Variants in DOCK7 observed in about 807,000 individuals in gnomAD.
The protein encoded by DOCK7 is dedicator of cytokinesis protein 7.
Under a neutral mutation model 271.0 loss-of-function variants are expected in DOCK7, and 138 were observed. That is an observed-to-expected ratio of 0.51 (90% CI 0.44 to 0.59). The LOEUF (loss-of-function observed/expected upper bound fraction) is 0.59. DOCK7 is among the 20% of genes least tolerant of loss of function. The pLI, the probability that DOCK7 is intolerant of heterozygous loss-of-function variation, is 0.00. For missense variants in DOCK7, 2,066 were observed against 2,592.4 expected (o/e 0.80, Z 4.41); for synonymous variants, 823 against 876.1 (o/e 0.94, Z 1.07).
intron 14 of DOCK7, among the ~76,000 whole-genome samples, chr1:62,588,834 G>A (rs1347264120): frequency 6.6e-6 from 1 of 152,050 alleles, no homozygotes; most frequent in Non-Finnish European, 1.5e-5. Flanking sequence ...TTGAACTCCT[G>A]GCCTAAAATG....
chr1:62,535,740 A>T (rs1479041731), intron 28 of DOCK7, 108 bp from the exon 29 acceptor site: 2 of 1,115,714 alleles, frequency 1.8e-6, no homozygotes, highest in Middle Eastern at 4.4e-4. Context: ...AGTTTATTTT[A>T]TATTACTAAC....
chr1:62,467,144 T>C (rs1168000), intron 48 of DOCK7, among the ~76,000 whole-genome samples: 151,564 of 152,294 alleles, frequency 1, 75,424 homozygotes, highest in Middle Eastern at 1. Flanking sequence ...GAAAATGTCA[T>C]CACTGTTTAC....
chr1:62,664,533 C>T (rs2149720980), intron 1 of DOCK7, among the ~76,000 whole-genome samples: 1 of 152,192 alleles, frequency 6.6e-6, no homozygotes, highest in South Asian at 2.1e-4. Flanking sequence ...ATTACCCAGT[C>T]TTGGATATAT....
At chr1:62,464,082 C>T (rs979820413) in intron 48 of DOCK7, among the ~76,000 whole-genome samples, 6 of 151,686 alleles carry the variant, frequency 4.0e-5, no homozygotes, top group Admixed American at 6.6e-5. Flanking sequence ...TTTTTTGAGC[C>T]GGAGTCTCGC....
Position 62,620,438 on chromosome 1 carries a change from TATG to T in DOCK7, c.1426-448_1426-446del, listed in dbSNP as rs1653036605. Among the ~76,000 whole-genome samples the T allele has an allele frequency of 3.9e-5, 6 of 152,144 alleles. No individual in the cohort carries two copies. In the South Asian group the frequency reaches 1.0e-3, roughly 26 times the overall value. On this transcript the variant is annotated intron_variant, in intron 12 of 49. Coordinates refer to ENST00000635253, the MANE Select transcript of DOCK7 (RefSeq NM_001367561.1). ...TTAGAATAAAAAATTAAATTAAAAT[TATG>T]ATTATAAATATCATACCAGTTTATT...
At chr1:62,669,582 T>G (rs1399254549) in intron 1 of DOCK7, among the ~76,000 whole-genome samples, 1 of 152,242 alleles carries the variant, frequency 6.6e-6, no homozygotes. Flanking sequence ...TCTAGTGGCA[T>G]TTTTCTATCT....
intron 31 of DOCK7, among the ~76,000 whole-genome samples, chr1:62,520,015 T>C (rs1051000602): frequency 2.6e-5 from 4 of 152,204 alleles, no homozygotes; most frequent in Non-Finnish European, 4.4e-5. Flanking sequence ...GGATTCCCTA[T>C]TTAATAAATG....
chr1:62,629,500 T>A (rs980411954), intron 11 of DOCK7: 26 of 152,232 alleles, frequency 1.7e-4, no homozygotes, highest in African/African-American at 6.0e-4. Context: ...ATTATACAAG[T>A]CAATATGTAT....
intron 2 of DOCK7, 139 bp downstream of exon 2, chr1:62,662,886 A>G (rs1658831999): frequency 7.1e-6 from 4 of 564,316 alleles, no homozygotes; most frequent in Non-Finnish European, 1.2e-5. Context: ...CTCCCAACTC[A>G]GATTTCAACA....
intron 49 of DOCK7, 74 bp from the exon 50 acceptor site, chr1:62,455,530 G>A: frequency 7.1e-7 from 1 of 1,410,146 alleles, no homozygotes; most frequent in Non-Finnish European, 9.9e-7. Flanking sequence ...GTCTTACATG[G>A]TTTTTTCTGC....
chr1:62,458,539 T>G (rs1645418169), intron 48 of DOCK7: 1 of 150,912 alleles, frequency 6.6e-6, no homozygotes, highest in Non-Finnish European at 1.5e-5. Flanking sequence ...GGTTTTGTTT[T>G]TTTTTTTTTT....
intron 16 of DOCK7, 24 bp from the exon 17 acceptor site, chr1:62,578,990 T>A (rs1414691304): frequency 1.5e-6 from 2 of 1,290,376 alleles, no homozygotes; most frequent in African/African-American, 1.5e-5. Flanking sequence ...AAAAAAAAAA[T>A]CAACAGTCAG....
At chr1:62,649,035 T>A (rs1252162698) in intron 4 of DOCK7, among the ~76,000 whole-genome samples, 1 of 151,410 alleles carries the variant, frequency 6.6e-6, no homozygotes, top group African/African-American at 2.4e-5. Flanking sequence ...ACTTGTAAAA[T>A]GAAAAACAGC....
Position 62,578,737 on chromosome 1 carries a change from A to AAAC in DOCK7, c.2010+88_2010+90dup, listed in dbSNP as rs1553175645. 21 of 1,050,468 alleles carry AAAC rather than the reference A, an allele frequency of 2.0e-5. No homozygotes were observed. In the African/African-American group the frequency reaches 3.4e-4, roughly 17 times the overall value. 65.1% of individuals were successfully genotyped at this position (1,050,468 alleles called of 1,614,324 possible). A position where few individuals can be genotyped will look rare whatever the true frequency, so the allele number is the denominator to read the frequency against. ...TGTCTCAAAAAAAAAAAAAAAAAAA[A>AAAC]AACCCACAAATGACCAGAAATATCA... On this transcript the variant is annotated intron_variant, in intron 17 of 49. Transcript: ENST00000635253.
intron 25 of DOCK7, among the ~76,000 whole-genome samples, chr1:62,541,509 G>A (rs1645530099): frequency 6.6e-6 from 1 of 152,142 alleles, no homozygotes; most frequent in African/African-American, 2.4e-5. Flanking sequence ...TCAATGTGAA[G>A]ACAATGAGGA....
intron 18 of DOCK7, among the ~76,000 whole-genome samples, chr1:62,568,638 A>T (rs1339137022): frequency 2.0e-5 from 3 of 149,300 alleles, no homozygotes; most frequent in Non-Finnish European, 3.0e-5. Flanking sequence ...AGCTAGGAAG[A>T]TCTCAAAGTG....
In DOCK7 at chr1:62,625,392, C is replaced by T. The variant is rs201785444; in HGVS notation, c.1292G>A (p.Gly431Glu). ...EVEISTGERK[G>E]SWSERRNSSI... ...AGAATTCCTCCTCTCTGACCAAGAC[C>T]CTTTTCGTTCTACAAAAGAATTAAA... is the stretch of plus-strand genomic sequence containing the variant. Residue 431 changes from glycine to glutamate, a missense_variant, in exon 12 of 50, where the codon GGG (glycine) becomes GAG (glutamate). Transcript: ENST00000635253. The T allele has an allele frequency of 1.3e-6, 2 of 1,589,646 alleles. No homozygotes were observed. Among genetic ancestry groups the T allele is most frequent in the Non-Finnish European group, 1.7e-6 (2 of 1,170,810 alleles).
At position 62,543,675 on chromosome 1, in the gene DOCK7, C is replaced by T. The variant is rs955858137; in HGVS notation, c.2930G>A (p.Gly977Glu). ...ATCTACCTTTTTAGTTGGTAAGCGT[C>T]CCGTTAATGTTTGTAAGAAACTTGA... ...ETSSFLQTLT[G>E]RLPTKKLFHE... Residue 977 changes from glycine to glutamate, a missense_variant, in exon 24 of 50, where the codon GGA becomes GAA. Transcript: ENST00000635253. 5.6e-6 allele frequency: 9 copies of T among 1,601,586 alleles called. No individual in the cohort carries two copies. Among genetic ancestry groups the T allele is most frequent in the Non-Finnish European group, 7.7e-6 (9 of 1,170,986 alleles).
intron 31 of DOCK7, among the ~76,000 whole-genome samples, chr1:62,519,453 T>C (rs1041552914): frequency 6.6e-6 from 1 of 152,174 alleles, no homozygotes; most frequent in Non-Finnish European, 1.5e-5. Flanking sequence ...GAAACAAGGA[T>C]ATCTAGAAAT....
Sources: allele counts gnomAD v4.1 joint callset (sites outside exome capture counted in the v4.1 genomes callset), GRCh38; gene constraint gnomAD v4.1.1; transcripts MANE v1.5; gene names NCBI Gene and HGNC (gene_info 2026-07-23, HGNC 2026-07-21).